CCR10: variants seen among roughly 807,000 people sequenced by gnomAD.
The protein encoded by CCR10 is C-C chemokine receptor type 10.
Under a neutral mutation model 11.9 loss-of-function variants are expected in CCR10, and 11 were observed. The ratio of observed to expected loss-of-function variants is 0.92; its 90% CI spans 0.58 to 1.53. The LOEUF is 1.53. Among genes scored for constraint, CCR10 ranks in the 40% most tolerant of loss-of-function variants. The pLI, the probability that CCR10 is intolerant of heterozygous loss-of-function variation, is 0.00. For synonymous variants in CCR10, 224 were observed against 245.4 expected, an observed-to-expected ratio of 0.91 and a Z score of 0.81; for missense variants, 428 against 496.6, an observed-to-expected ratio of 0.86 and a Z score of 1.31.
intron 1 of CCR10, 118 bp from the exon 2 acceptor site, chr17:42,680,735 G>C (rs1006745061): frequency 7.1e-6 from 5 of 703,364 alleles, no homozygotes; most frequent in Non-Finnish European, 1.2e-5. Context: ...ACAGTACACG[G>C]GGAGACATAA....
rs1191706720 is a variant in CCR10 at position 42,679,614 on chromosome 17, C to CG, written c.1027dup (p.Arg343ProfsTer26). ...AGCTGAGCAGGAAGAAAGGCGGGGC[C>CG]GGCGGGGGCAGCCGCGGCGGGGTTG... is the stretch of plus-strand genomic sequence containing the variant. On this transcript the variant is annotated frameshift_variant, in exon 2 of 2. Coordinates refer to ENST00000332438, the MANE Select transcript of CCR10 (RefSeq NM_016602.3). LOFTEE classifies it high-confidence loss of function. 1 of 1,482,966 alleles carries CG rather than the reference C, an allele frequency of 6.7e-7. No homozygotes were observed. The highest frequency in any genetic ancestry group is 1.5e-5 in the African/African-American group (1 of 67,524). 91.9% of individuals were successfully genotyped at this position (1,482,966 alleles called of 1,614,324 possible). A position where few individuals can be genotyped will look rare whatever the true frequency, so the allele number is the denominator to read the frequency against.
At chr17:42,680,734 G>T in intron 1 of CCR10, 117 bp from the exon 2 acceptor site, 1 of 707,020 alleles carries the variant, frequency 1.4e-6, no homozygotes, top group East Asian at 2.6e-5. Context: ...AACAGTACAC[G>T]GGGAGACATA....
chr17:42,680,604 T>C lies in CCR10; in HGVS notation c.38A>G (p.His13Arg), dbSNP rs1194351255. 1.3e-6 allele frequency: 2 copies of C among 1,556,670 alleles called. No homozygotes were observed. Among genetic ancestry groups the C allele is most frequent in the Admixed American group, 1.9e-5 (1 of 52,638 alleles). ...TEATEQVSWG[H>R]YSGDEEDAYS... ...TGCGTCCTCTTCATCCCCAGAGTAA[T>C]GGCCCCAGGAAACCTGGGAGGGTCA... The change falls in exon 2 of 2, where the codon CAT becomes CGT. Residue 13 changes from histidine to arginine, a missense_variant. His to Arg is a conservative substitution (Grantham distance 29). Transcript: ENST00000332438.
chr17:42,680,608 C>A lies in CCR10; in HGVS notation c.34G>T (p.Gly12Cys). ...GTEATEQVSWGHYSGDEEDAY... is the reference protein window; with the variant it reads ...GTEATEQVSWCHYSGDEEDAY... The stretch of plus-strand genomic sequence containing the variant: ...TCCTCTTCATCCCCAGAGTAATGGC[C>A]CCAGGAAACCTGGGAGGGTCAAATG... The change falls in exon 2 of 2, where the codon GGC (glycine) becomes TGC (cysteine). Residue 12 changes from glycine (G) to cysteine (C), a missense_variant. Coordinates refer to ENST00000332438, the MANE Select transcript of CCR10 (RefSeq NM_016602.3). 6.4e-7 allele frequency: 1 copy of A among 1,551,582 alleles called. No individual in the cohort carries two copies. The highest frequency in any genetic ancestry group is 8.7e-7 in the Non-Finnish European group (1 of 1,145,872).
chr17:42,679,370 C>T lies in CCR10; in HGVS notation c.*183G>A. 2.3e-6 allele frequency: 1 copy of T among 438,306 alleles called. No homozygotes were observed. The highest frequency in any genetic ancestry group is 3.9e-6 in the Non-Finnish European group (1 of 254,594). 27.2% of individuals were successfully genotyped at this position (438,306 alleles called of 1,614,324 possible). A position where few individuals can be genotyped will look rare whatever the true frequency, so the allele number is the denominator to read the frequency against. On this transcript the variant is annotated 3_prime_UTR_variant, in exon 2 of 2. Coordinates refer to ENST00000332438, the MANE Select transcript of CCR10 (RefSeq NM_016602.3). ...ACCGGTTCTGCCCCGCCACAAATCA[C>T]TTCCAAGTCGGTGACTCAAAAATAG... is the stretch of plus-strand genomic sequence containing the variant.
chr17:42,680,521 G>A lies in CCR10; in HGVS notation c.121C>T (p.Arg41Trp), dbSNP rs1163586006. 1.2e-6 allele frequency: 2 copies of A among 1,612,378 alleles called. No homozygotes were observed. The highest frequency in any genetic ancestry group is 1.7e-6 in the Non-Finnish European group (2 of 1,179,590). The change falls in exon 2 of 2, where the codon CGG (arginine) becomes TGG (tryptophan). Residue 41 changes from arginine (R) to tryptophan (W), a missense_variant. Coordinates refer to ENST00000332438, the MANE Select transcript of CCR10 (RefSeq NM_016602.3). ...CYKADVQAFS[R>W]AFQPSVSLTV... ...AGGGAGACACTGGGTTGGAAGGCCC[G>A]GCTGAAGGCCTGGACATCGGCCTTG... is the stretch of plus-strand genomic sequence containing the variant.
At position 42,679,797 on chromosome 17, in the gene CCR10, C is replaced by G. The variant is rs571612145; in HGVS notation, c.845G>C (p.Cys282Ser). 6.8e-6 allele frequency: 11 copies of G among 1,607,788 alleles called. No individual in the cohort carries two copies. The highest frequency in any genetic ancestry group is 9.3e-6 in the Non-Finnish European group (11 of 1,178,270). Residue 282 changes from cysteine (C) to serine (S), a missense_variant, in exon 2 of 2, where the codon TGC (cysteine) becomes TCC (serine). Cys to Ser is a moderately radical substitution (Grantham distance 112). Transcript: ENST00000332438. ...ADLLAARERS[C>S]PASKRKDVAL... is the part of the protein sequence containing the mutation. ...GACATCCTTGCGTTTGCTGGCAGGG[C>G]AGCTCCGCTCGCGCGCAGCCAGTAG...
intron 1 of CCR10, chr17:42,681,426 A>G (rs920708363): frequency 6.2e-6 from 2 of 324,908 alleles, no homozygotes; most frequent in Non-Finnish European, 1.2e-5. Context: ...CTGGACTCCA[A>G]CCTCCGTCTG....
In CCR10 at chr17:42,680,071, A is replaced by G. The variant is rs1157751385; in HGVS notation, c.571T>C (p.Cys191Arg). ...QDGQREGQRR[C>R]RLIFPEGLTQ... The stretch of plus-strand genomic sequence containing the variant: ...AGGCCCTCGGGGAAGATGAGGCGAC[A>G]GCGTCGTTGGCCTTCCCGCTGCCCA... Residue 191 changes from cysteine (C) to arginine (R), a missense_variant, in exon 2 of 2, where the codon TGT becomes CGT. Coordinates refer to ENST00000332438, the MANE Select transcript of CCR10 (RefSeq NM_016602.3). 6.2e-6 allele frequency: 10 copies of G among 1,606,368 alleles called. No homozygotes were observed. Among genetic ancestry groups the G allele is most frequent in the Non-Finnish European group, 8.5e-6 (10 of 1,178,538 alleles).
At chr17:42,681,386 C>A (rs903126837) in intron 1 of CCR10, 5 of 238,722 alleles carry the variant, frequency 2.1e-5, no homozygotes, top group Non-Finnish European at 4.1e-5. Context: ...GAAGGATGCC[C>A]ATATGCAGGC....
Position 42,680,327 on chromosome 17 carries a change from G to A in CCR10, c.315C>T (p.Gly105=). ...LPFAAAGALQ[G]WSLGSATCRT... is the part of the protein sequence containing the mutation. ...GGCAGGTGGCACTTCCCAGACTCCAGCCCTGAAGAGCCCCTGCTGCCGCGA... is the reference window on the plus strand; with the variant it reads ...GGCAGGTGGCACTTCCCAGACTCCAACCCTGAAGAGCCCCTGCTGCCGCGA... The change falls in exon 2 of 2, where the codon GGC becomes GGT. Residue 105 remains glycine, a synonymous_variant. Coordinates refer to ENST00000332438, the MANE Select transcript of CCR10 (RefSeq NM_016602.3). The A allele has an allele frequency of 1.3e-6, 2 of 1,552,514 alleles. No homozygotes were observed. The highest frequency in any genetic ancestry group is 1.7e-6 in the Non-Finnish European group (2 of 1,148,164).
At position 42,679,370 on chromosome 17, in the gene CCR10, C is replaced by A. The variant is rs1035261703; in HGVS notation, c.*183G>T. On this transcript the variant is annotated 3_prime_UTR_variant, in exon 2 of 2. Coordinates refer to ENST00000332438, the MANE Select transcript of CCR10 (RefSeq NM_016602.3). Reference sequence around the variant, plus strand: ...ACCGGTTCTGCCCCGCCACAAATCACTTCCAAGTCGGTGACTCAAAAATAG... The same window carrying A: ...ACCGGTTCTGCCCCGCCACAAATCAATTCCAAGTCGGTGACTCAAAAATAG... 2 of 438,188 alleles carry A rather than the reference C, an allele frequency of 4.6e-6. No individual in the cohort carries two copies. Among genetic ancestry groups the A allele is most frequent in the African/African-American group, 2.0e-5 (1 of 49,128 alleles). The allele number at this position is 438,188 out of a possible 1,614,324, so 27.1% of individuals were successfully genotyped here. A position where few individuals can be genotyped will look rare whatever the true frequency, so the allele number is the denominator to read the frequency against.
In CCR10 at chr17:42,679,215, G is replaced by T; in HGVS notation, c.*338C>A. On this transcript the variant is annotated 3_prime_UTR_variant, in exon 2 of 2. Coordinates refer to ENST00000332438, the MANE Select transcript of CCR10 (RefSeq NM_016602.3). The stretch of plus-strand genomic sequence containing the variant: ...TGGCTGAGGCCAGGTGACGGTGGAG[G>T]GGGTGTCAGTGGCTAGAGCTTTAGC... 1 of 239,886 alleles carries T rather than the reference G, an allele frequency of 4.2e-6. No homozygotes were observed. The highest frequency in any genetic ancestry group is 5.6e-5 in the Admixed American group (1 of 17,702). The allele number at this position is 239,886 out of a possible 1,614,324, so 14.9% of individuals were successfully genotyped here. A position where few individuals can be genotyped will look rare whatever the true frequency, so the allele number is the denominator to read the frequency against.
intron 1 of CCR10, chr17:42,681,534 G>C (rs1567967769): frequency 1.7e-6 from 1 of 572,936 alleles, no homozygotes; most frequent in East Asian, 3.0e-5. Context: ...GGGTCTCCAG[G>C]GTTGGGACTC....
chr17:42,680,421 C>T lies in CCR10; in HGVS notation c.221G>A (p.Arg74His), dbSNP rs1349412503. 6.4e-7 allele frequency: 1 copy of T among 1,570,740 alleles called. No homozygotes were observed. The highest frequency in any genetic ancestry group is 8.6e-7 in the Non-Finnish European group (1 of 1,158,240). The change falls in exon 2 of 2, where the codon CGC (arginine) becomes CAC (histidine). Residue 74 changes from arginine (R) to histidine (H), a missense_variant. Coordinates refer to ENST00000332438, the MANE Select transcript of CCR10 (RefSeq NM_016602.3). ...GAGCAGGTGGGCAGAGGTGGGCGAGCGCGCTGCGCGTCGGGCTGCCAGGTG... is the reference window on the plus strand; with the variant it reads ...GAGCAGGTGGGCAGAGGTGGGCGAGTGCGCTGCGCGTCGGGCTGCCAGGTG... The part of the protein sequence containing the change: ...ATHLAARRAA[R>H]SPTSAHLLQL...
chr17:42,679,612 G>A lies in CCR10; in HGVS notation c.1030C>T (p.Pro344Ser). 2.7e-6 allele frequency: 4 copies of A among 1,483,178 alleles called. No individual in the cohort carries two copies. Among genetic ancestry groups the A allele is most frequent in the East Asian group, 2.5e-5 (1 of 39,596 alleles). The allele number at this position is 1,483,178 out of a possible 1,614,324, so 91.9% of individuals were successfully genotyped here. ...PQPRRGCPRR[P>S]RLSSCSAPTE... ...GGAGCTGAGCAGGAAGAAAGGCGGG[G>A]CCGGCGGGGGCAGCCGCGGCGGGGT... is the stretch of plus-strand genomic sequence containing the variant. Residue 344 changes from proline (P) to serine (S), a missense_variant, in exon 2 of 2, where the codon CCC becomes TCC. Pro to Ser is a moderately conservative substitution (Grantham distance 74). Transcript: ENST00000332438.
Position 42,679,313 on chromosome 17 carries a change from C to CG in CCR10, c.*239dup, listed in dbSNP as rs1231490366. The CG allele has an allele frequency of 8.0e-6, 3 of 373,948 alleles. No individual in the cohort carries two copies. Among genetic ancestry groups the CG allele is most frequent in the Non-Finnish European group, 1.4e-5 (3 of 211,196 alleles). The allele number at this position is 373,948 out of a possible 1,614,324, so 23.2% of individuals were successfully genotyped here. A position where few individuals can be genotyped will look rare whatever the true frequency, so the allele number is the denominator to read the frequency against. On this transcript the variant is annotated 3_prime_UTR_variant, in exon 2 of 2. Transcript: ENST00000332438. ...TCAGAGAGCCAAGCGCGGGGCAGGGCGGGGGGTGGGGCGGGGGCGGGGTGT... is the reference window on the plus strand; with the variant it reads ...TCAGAGAGCCAAGCGCGGGGCAGGGCGGGGGGGTGGGGCGGGGGCGGGGTGT...
Position 42,680,607 on chromosome 17 carries a change from C to A in CCR10, c.35G>T (p.Gly12Val). Residue 12 changes from glycine to valine, a missense_variant, in exon 2 of 2, where the codon GGC (glycine) becomes GTC (valine). By Grantham distance (109) the Gly-to-Val change is moderately radical. Coordinates refer to ENST00000332438, the MANE Select transcript of CCR10 (RefSeq NM_016602.3). ...GTEATEQVSW[G>V]HYSGDEEDAY... is the part of the protein sequence containing the mutation. Reference sequence around the variant, plus strand: ...GTCCTCTTCATCCCCAGAGTAATGGCCCCAGGAAACCTGGGAGGGTCAAAT... The same window carrying A: ...GTCCTCTTCATCCCCAGAGTAATGGACCCAGGAAACCTGGGAGGGTCAAAT... 6.4e-7 allele frequency: 1 copy of A among 1,551,806 alleles called. No individual in the cohort carries two copies. Among genetic ancestry groups the A allele is most frequent in the Non-Finnish European group, 8.7e-7 (1 of 1,145,906 alleles).
rs2052918810 is a variant in CCR10 at position 42,680,573 on chromosome 17, C to G, written c.69G>C (p.Ser23=). 1 of 1,598,598 alleles carries G rather than the reference C, an allele frequency of 6.3e-7. No homozygotes were observed. Among genetic ancestry groups the G allele is most frequent in the Non-Finnish European group, 8.5e-7 (1 of 1,172,274 alleles). ...HYSGDEEDAY[S]AEPLPELCYK... ...AGCAAAGCTCCGGCAGTGGCTCAGC[C>G]GAGTATGCGTCCTCTTCATCCCCAG... The change falls in exon 2 of 2, where the codon TCG becomes TCC. Residue 23 remains serine, a synonymous_variant. Transcript: ENST00000332438.
Sources: gnomAD v4.1 joint callset for allele counts on GRCh38, gnomAD v4.1.1 for gene constraint, MANE v1.5 for transcripts, NCBI Gene and HGNC (gene_info 2026-07-23, HGNC 2026-07-21) for gene names.